Variants in CD320 observed in about 807,000 individuals in gnomAD.
CD320 encodes the protein CD320 antigen.
Under a neutral mutation model 22.1 loss-of-function variants are expected in CD320, and 16 were observed. That is an observed-to-expected ratio of 0.73 (90% CI 0.49 to 1.10). The LOEUF (loss-of-function observed/expected upper bound fraction) is 1.10. Among genes scored for constraint, CD320 ranks in the 50% least tolerant of loss-of-function variants. CD320 has a pLI of 0.00. For synonymous variants in CD320, 188 were observed against 167.8 expected, an observed-to-expected ratio of 1.12 and a Z score of -0.93; for missense variants, 388 against 376.9, an observed-to-expected ratio of 1.03 and a Z score of -0.24.
At chr19:8,303,412 C>T (rs571927561) in intron 3 of CD320, among the ~76,000 whole-genome samples, 2 of 151,854 alleles carry the variant, frequency 1.3e-5, no homozygotes, top group East Asian at 1.9e-4. Context: ...CCACCGTGCC[C>T]GGCCTTTTTT....
chr19:8,304,327 T>C (rs1970055421), intron 2 of CD320, among the ~76,000 whole-genome samples: 1 of 149,584 alleles, frequency 6.7e-6, no homozygotes, highest in Non-Finnish European at 1.5e-5. Context: ...TTTATTCTAT[T>C]TGTTTGTTTG....
rs1033817603 is a variant in CD320 at position 8,303,006 on chromosome 19, G to A, written c.503-26C>T. The A allele has an allele frequency of 3.1e-6, 5 of 1,602,466 alleles. No homozygotes were observed. In the African/African-American group the frequency reaches 4.0e-5, roughly 13 times the overall value. ...CTGCAATAAGCCCAGGCGTTCAGTA[G>A]TTGAGGAGAGAGCACTGAAGGCGTG... On this transcript the variant is annotated intron_variant, in intron 3 of 4. Coordinates refer to ENST00000301458, the MANE Select transcript of CD320 (RefSeq NM_016579.4).
intron 2 of CD320, 66 bp downstream of exon 2, chr19:8,304,965 G>A: frequency 6.3e-7 from 1 of 1,576,608 alleles, no homozygotes; most frequent in Non-Finnish European, 8.6e-7. Context: ...CCGCGTGCCT[G>A]GCCCCTGACA....
In CD320 at chr19:8,305,026, C is replaced by T. The variant is rs1308387673; in HGVS notation, c.268+5G>A. 1 of 1,605,420 alleles carries T rather than the reference C, an allele frequency of 6.2e-7. No homozygotes were observed. Among genetic ancestry groups the T allele is most frequent in the Non-Finnish European group, 8.5e-7 (1 of 1,179,724 alleles). ...TAAGCCCCGCCAAGGGGCGTGGCCA[C>T]TCACTGCACTCCTCCTCATCGCTGC... On this transcript the variant is annotated splice_donor_5th_base_variant and intron_variant, in intron 2 of 4. Transcript: ENST00000301458.
At position 8,308,191 on chromosome 19, in the gene CD320, C is replaced by A; in HGVS notation, c.100G>T (p.Ala34Ser). The A allele has an allele frequency of 1.3e-6, 2 of 1,559,918 alleles. No individual in the cohort carries two copies. The highest frequency in any genetic ancestry group is 2.3e-5 in the South Asian group (2 of 85,842). Residue 34 changes from alanine (A) to serine (S), a missense_variant, in exon 1 of 5, where the codon GCC becomes TCC. Coordinates refer to ENST00000301458, the MANE Select transcript of CD320 (RefSeq NM_016579.4). ...LLGLGLGLEAAASPLSTPTSA... is the reference protein window; with the variant it reads ...LLGLGLGLEASASPLSTPTSA... ...GTCGGGGTGGAAAGCGGGCTCGCGG[C>A]GGCCTCCAGGCCTAGTCCGAGGCCG...
intron 2 of CD320, 154 bp downstream of exon 2, chr19:8,304,877 T>C: frequency 1.2e-6 from 1 of 813,092 alleles, no homozygotes. Flanking sequence ...CAAGCCCATC[T>C]TAGACCCCGC....
At chr19:8,307,256 T>C (rs1335932675) in intron 1 of CD320, among the ~76,000 whole-genome samples, 1 of 148,714 alleles carries the variant, frequency 6.7e-6, no homozygotes, top group South Asian at 2.2e-4. Flanking sequence ...TGCACTGCAC[T>C]CCAGCCAGGG....
chr19:8,307,417 G>T (rs998241952), intron 1 of CD320, among the ~76,000 whole-genome samples: 2 of 152,118 alleles, frequency 1.3e-5, no homozygotes, highest in Non-Finnish European at 2.9e-5. Context: ...GGACCTAGAA[G>T]TGCGGAATGC....
At position 8,302,895 on chromosome 19, in the gene CD320, G is replaced by C. The variant is rs776070970; in HGVS notation, c.588C>G (p.Ala196=). ...GGGTCACAGGGGGCCCCATGGTTGT[G>C]GCATTCCTGAGAGAGGTGACACTCT... ...TLESVTSLRN[A]TTMGPPVTLE... Residue 196 remains alanine, a synonymous_variant, in exon 4 of 5, where the codon GCC becomes GCG. Transcript: ENST00000301458. The C allele has an allele frequency of 6.8e-5, 109 of 1,613,948 alleles. No individual in the cohort carries two copies. The highest frequency in any genetic ancestry group is 8.5e-5 in the Non-Finnish European group (100 of 1,179,974).
At chr19:8,303,704 C>T (rs181914912) in intron 3 of CD320, 151 bp downstream of exon 3, 3 of 646,530 alleles carry the variant, frequency 4.6e-6, no homozygotes, top group Admixed American at 2.3e-5. Flanking sequence ...CGTGAGCCAC[C>T]GGGCCCGGCC....
chr19:8,303,712 G>C, intron 3 of CD320, 143 bp downstream of exon 3: 1 of 662,182 alleles, frequency 1.5e-6, no homozygotes, highest in Non-Finnish European at 2.7e-6. Context: ...ACCGGGCCCG[G>C]CCCCTAATGA....
In CD320 at chr19:8,308,211, A is replaced by G; in HGVS notation, c.80T>C (p.Leu27Pro). Residue 27 changes from leucine (L) to proline (P), a missense_variant, in exon 1 of 5, where the codon CTC becomes CCC. Leu to Pro is a moderately conservative substitution (Grantham distance 98, BLOSUM62 -3). Transcript: ENST00000301458. ...CGCGGCGGCCTCCAGGCCTAGTCCG[A>G]GGCCGAGCAGCAGCAGCAGCGCCAG... ...LGLALLLLLGLGLGLEAAASP... is the reference protein window; with the variant it reads ...LGLALLLLLGPGLGLEAAASP... 6.4e-7 allele frequency: 1 copy of G among 1,573,684 alleles called. No individual in the cohort carries two copies. The highest frequency in any genetic ancestry group is 8.6e-7 in the Non-Finnish European group (1 of 1,166,858).
chr19:8,303,043 T>G (rs1021300319), intron 3 of CD320, 63 bp from the exon 4 acceptor site: 66 of 1,429,246 alleles, frequency 4.6e-5, no homozygotes, highest in Non-Finnish European at 6.3e-5. Flanking sequence ...GGGGGCCAGA[T>G]GCCCAGGGGA....
intron 1 of CD320, among the ~76,000 whole-genome samples, chr19:8,307,920 G>A (rs998696286): frequency 2.0e-5 from 3 of 152,156 alleles, no homozygotes; most frequent in Admixed American, 1.3e-4. Context: ...GTGCAGGGCC[G>A]GAGCAAAACC....
In CD320 at chr19:8,308,285, G is replaced by T. The variant is rs749442494; in HGVS notation, c.6C>A (p.Ser2Arg). 8 of 1,587,632 alleles carry T rather than the reference G, an allele frequency of 5.0e-6. No individual in the cohort carries two copies. The highest frequency in any genetic ancestry group is 6.8e-6 in the Non-Finnish European group (8 of 1,173,890). M[S>R]GGWMAQVGAW... ...CTCCAACCTGCGCCATCCAACCGCC[G>T]CTCATGCTGTCCCCACAGCGGCGCC... is the stretch of plus-strand genomic sequence containing the variant. Residue 2 changes from serine (S) to arginine (R), a missense_variant, in exon 1 of 5, where the codon AGC becomes AGA. Transcript: ENST00000301458.
At chr19:8,307,216 C>T (rs1599624655) in intron 1 of CD320, among the ~76,000 whole-genome samples, 4 of 150,708 alleles carry the variant, frequency 2.7e-5, no homozygotes, top group South Asian at 4.3e-4. Context: ...TGCTTAAACC[C>T]GGGAGGCGGA....
rs181066013 is a variant in CD320, at chr19:8,304,072, G to A, written c.285C>T (p.Thr95=). Residue 95 remains threonine (T), a synonymous_variant, in exon 3 of 5, where the codon ACC becomes ACT. Coordinates refer to ENST00000301458, the MANE Select transcript of CD320 (RefSeq NM_016579.4). ...GGGGCGGTGGGCATTGCCCTTTCTG[G>A]GTACATGGCTCAATCCCTGGGGCAC... ...DEEECRIEPC[T]QKGQCPPPPG... 3.7e-5 allele frequency: 57 copies of A among 1,532,464 alleles called. 1 individual carries two copies. In the Admixed American group the frequency reaches 9.0e-4, roughly 24 times the overall value. The allele number at this position is 1,532,464 out of a possible 1,614,324, so 94.9% of individuals were successfully genotyped here. A position where few individuals can be genotyped will look rare whatever the true frequency, so the allele number is the denominator to read the frequency against.
At position 8,303,984 on chromosome 19, in the gene CD320, G is replaced by T; in HGVS notation, c.373C>A (p.Arg125Ser). The change falls in exon 3 of 5, where the codon CGC becomes AGC. Residue 125 changes from arginine (R) to serine (S), a missense_variant. Transcript: ENST00000301458. ...DCSGGTDKKL[R>S]NCSRLACLAG... The stretch of plus-strand genomic sequence containing the variant: ...AGGCAGGCCAGGCGGCTGCAGTTGC[G>T]CAGTTTCTTGTCAGTTCCCCCAGAG... 1 of 1,574,958 alleles carries T rather than the reference G, an allele frequency of 6.3e-7. No individual in the cohort carries two copies.
intron 2 of CD320, chr19:8,304,818 T>G: frequency 1.8e-6 from 1 of 546,232 alleles, no homozygotes; most frequent in Non-Finnish European, 3.4e-6. Context: ...CCTCCCACCC[T>G]AGCCTCCCAA....
Sources: gnomAD v4.1 joint callset for allele counts (sites outside exome capture counted in the v4.1 genomes callset) on GRCh38, gnomAD v4.1.1 for gene constraint, MANE v1.5 for transcripts, NCBI Gene and HGNC (gene_info 2026-07-23, HGNC 2026-07-21) for gene names.